The following ADAMTS18 variants were observed in gnomAD, a reference collection of about 807,000 sequenced individuals.
ADAMTS18 encodes A disintegrin and metalloproteinase with thrombospondin motifs 18.
In ADAMTS18, 157 loss-of-function variants were observed where a neutral mutation model predicts 165.9. The ratio of observed to expected loss-of-function variants is 0.95; its 90% confidence interval spans 0.83 to 1.08. The LOEUF (loss-of-function observed/expected upper bound fraction) is 1.08. Ranked by LOEUF, ADAMTS18 falls within the 50% of genes least tolerant of loss-of-function variation. The probability of loss-of-function intolerance (pLI) is 0.00; values close to 1 mark genes in which losing one functional copy is unlikely to be tolerated. For synonymous variants in ADAMTS18, 782 were observed against 578.2 expected, an observed-to-expected ratio of 1.35 and a Z score of -5.06; for missense variants, 2,040 against 1,534.0, an observed-to-expected ratio of 1.33 and a Z score of -5.51.
At position 77,367,710 on chromosome 16, in the gene ADAMTS18, C is replaced by A. The variant is rs745323519; in HGVS notation, c.509G>T (p.Arg170Met). 7 of 1,614,140 alleles carry A rather than the reference C, an allele frequency of 4.3e-6. No individual in the cohort carries two copies. Among genetic ancestry groups the A allele is most frequent in the Non-Finnish European group, 5.9e-6 (7 of 1,180,010 alleles). The part of the protein sequence containing the change: ...STCAGLSGLI[R>M]TRKNEFLISP... ...GATGAGGAATTCATTTTTTCGTGTCCTTATTAAACCTGACTAAAAAGCCAA... is the reference window on the plus strand; with the variant it reads ...GATGAGGAATTCATTTTTTCGTGTCATTATTAAACCTGACTAAAAAGCCAA... Residue 170 changes from arginine (R) to methionine (M), a missense_variant, in exon 4 of 23, where the codon AGG becomes ATG. Transcript: ENST00000282849.
At chr16:77,397,284 T>C (rs1019100587) in intron 3 of ADAMTS18, among the ~76,000 whole-genome samples, 1 of 152,228 alleles carries the variant, frequency 6.6e-6, no homozygotes, top group Non-Finnish European at 1.5e-5. Flanking sequence ...ATACACTGTA[T>C]ACAAAAGAAG....
At chr16:77,319,805 T>C (rs372782387) in intron 16 of ADAMTS18, 44 bp downstream of exon 16, 14 of 1,613,304 alleles carry the variant, frequency 8.7e-6, no homozygotes, top group Admixed American at 1.7e-5. Flanking sequence ...ACGATATAAA[T>C]GTAGCAAGAA....
intron 3 of ADAMTS18, among the ~76,000 whole-genome samples, chr16:77,416,302 T>C (rs1375314394): frequency 2.6e-5 from 4 of 151,992 alleles, no homozygotes; most frequent in Non-Finnish European, 5.9e-5. Flanking sequence ...ATGGAAGAGA[T>C]AGGAAGTTAG....
chr16:77,377,990 G>C (rs1023332227), intron 3 of ADAMTS18, among the ~76,000 whole-genome samples: 4 of 152,148 alleles, frequency 2.6e-5, no homozygotes, highest in African/African-American at 9.7e-5. Context: ...TGCTGAGAAA[G>C]TCTTTGAGGA....
At chr16:77,359,549 GAAAA>G (rs3067843) in intron 7 of ADAMTS18, 126 bp from the exon 8 acceptor site, 152 of 301,760 alleles carry the variant, frequency 5.0e-4, no homozygotes, top group East Asian at 9.9e-4. Context: ...AGTGTTTTTG[GAAAA>G]AAAAAAAAAA....
intron 14 of ADAMTS18, among the ~76,000 whole-genome samples, chr16:77,321,566 G>T (rs1281512916): frequency 6.6e-6 from 1 of 152,040 alleles, no homozygotes; most frequent in African/African-American, 2.4e-5. Flanking sequence ...ACCCTTAAAA[G>T]ATCAAAGGGC....
chr16:77,401,950 A>G (rs35877442), intron 3 of ADAMTS18, among the ~76,000 whole-genome samples: 18,555 of 152,176 alleles, frequency 0.12, 1,427 homozygotes, highest in East Asian at 0.22. Flanking sequence ...AGTAAGAGTT[A>G]CACCTTTGGC....
chr16:77,300,499 C>T, intron 16 of ADAMTS18, 95 bp from the exon 17 acceptor site: 2 of 1,417,368 alleles, frequency 1.4e-6, no homozygotes, highest in Non-Finnish European at 2.0e-6. Flanking sequence ...ATTTACATGA[C>T]ATTTTGACCT....
chr16:77,434,871 C>A lies in ADAMTS18; in HGVS notation c.-176G>T. The A allele has an allele frequency of 2.1e-6, 1 of 465,694 alleles. No homozygotes were observed. The highest frequency in any genetic ancestry group is 3.5e-6 in the Non-Finnish European group (1 of 287,090). The allele number at this position is 465,694 out of a possible 1,614,324, so 28.8% of individuals were successfully genotyped here. Reference sequence around the variant, plus strand: ...CTGGGACCTCCCCTCCTCCGGCCGCCTGCGCGCCCTCCCTTCTCCCGGCGC... The same window carrying A: ...CTGGGACCTCCCCTCCTCCGGCCGCATGCGCGCCCTCCCTTCTCCCGGCGC... On this transcript the variant is annotated 5_prime_UTR_variant, in exon 1 of 23. It adds an upstream start codon to the 5' untranslated region. Coordinates refer to ENST00000282849, the MANE Select transcript of ADAMTS18 (RefSeq NM_199355.4).
intron 3 of ADAMTS18, among the ~76,000 whole-genome samples, chr16:77,423,748 T>C (rs1171341088): frequency 2.0e-5 from 3 of 152,162 alleles, no homozygotes; most frequent in Non-Finnish European, 2.9e-5. Flanking sequence ...TCATTTTATG[T>C]CTTCAGTTTA....
rs56233520 is a variant in ADAMTS18, at chr16:77,343,535, T to G, written c.1615-1736A>C. Among the ~76,000 whole-genome samples, 1,023 of 152,366 alleles carry G rather than the reference T, an allele frequency of 6.7e-3. 5 individuals carry two copies. Among genetic ancestry groups the G allele is most frequent in the Non-Finnish European group, 0.012 (791 of 68,030 alleles). On this transcript the variant is annotated intron_variant, in intron 10 of 22. Transcript: ENST00000282849. Reference sequence around the variant, plus strand: ...TGAACTAATTCTTCATCTAAACTCATTTAGCTGAAAAAACTGAGCAAGCTT... The same window carrying G: ...TGAACTAATTCTTCATCTAAACTCAGTTAGCTGAAAAAACTGAGCAAGCTT...
At chr16:77,372,916 T>C (rs2144754865) in intron 3 of ADAMTS18, among the ~76,000 whole-genome samples, 1 of 152,278 alleles carries the variant, frequency 6.6e-6, no homozygotes, top group South Asian at 2.1e-4. Context: ...CTGGTATTAA[T>C]CACAAATTCC....
chr16:77,421,264 C>T (rs1031172201), intron 3 of ADAMTS18, among the ~76,000 whole-genome samples: 6 of 152,328 alleles, frequency 3.9e-5, no homozygotes, highest in African/African-American at 1.4e-4. Context: ...AGAACACTCT[C>T]ACCAGACTTG....
At chr16:77,350,123 G>A (rs1235364757) in intron 10 of ADAMTS18, among the ~76,000 whole-genome samples, 1 of 152,200 alleles carries the variant, frequency 6.6e-6, no homozygotes, top group African/African-American at 2.4e-5. Flanking sequence ...TTTCTAAAGT[G>A]CAGAATAATC....
At chr16:77,347,326 T>C (rs2056492307) in intron 10 of ADAMTS18, among the ~76,000 whole-genome samples, 1 of 152,166 alleles carries the variant, frequency 6.6e-6, no homozygotes, top group Non-Finnish European at 1.5e-5. Flanking sequence ...TGGAGTACAT[T>C]TGCTGGGTCA....
intron 3 of ADAMTS18, among the ~76,000 whole-genome samples, chr16:77,380,249 G>C (rs2057011913): frequency 6.6e-6 from 1 of 152,222 alleles, no homozygotes; most frequent in African/African-American, 2.4e-5. Flanking sequence ...AACAGATTCA[G>C]TCTCTGTCTT....
chr16:77,360,071 C>G (rs943090503), intron 7 of ADAMTS18, among the ~76,000 whole-genome samples: 32 of 152,156 alleles, frequency 2.1e-4, no homozygotes, highest in African/African-American at 7.5e-4. Context: ...ATCTTTCTTT[C>G]CAGTTTTGGG....
At chr16:77,344,458 A>G (rs2056446070) in intron 10 of ADAMTS18, among the ~76,000 whole-genome samples, 1 of 152,134 alleles carries the variant, frequency 6.6e-6, no homozygotes, top group Non-Finnish European at 1.5e-5. Context: ...CCTCAGTTTG[A>G]GGGAAATCAA....
chr16:77,388,739 G>A (rs1257504474), intron 3 of ADAMTS18, among the ~76,000 whole-genome samples: 7 of 152,118 alleles, frequency 4.6e-5, no homozygotes, highest in Admixed American at 3.9e-4. Flanking sequence ...TTGATTGACT[G>A]GTTGTTTTCT....
Sources: allele counts gnomAD v4.1 joint callset (sites outside exome capture counted in the v4.1 genomes callset), GRCh38; gene constraint gnomAD v4.1.1; transcripts MANE v1.5; gene names NCBI Gene and HGNC (gene_info 2026-07-23, HGNC 2026-07-21).